Variants in UNC79 observed in about 807,000 individuals in gnomAD.
UNC79 encodes unc-79 subunit of NALCN channel complex, also known as protein unc-79 homolog.
A neutral mutation model predicts 283.1 loss-of-function variants in UNC79; 37 were observed. The ratio of observed to expected loss-of-function variants is 0.13; its 90% CI spans 0.10 to 0.17. UNC79 has a LOEUF of 0.17. Ranked by LOEUF, UNC79 falls within the 10% of genes least tolerant of loss-of-function variation. UNC79 has a pLI of 1.00. For synonymous variants in UNC79, 1,107 were observed against 1,200.2 expected (o/e 0.92, Z 1.61); for missense variants, 2,272 against 3,211.1 (o/e 0.71, Z 7.07).
chr14:93,366,192 C>G (rs1018273421), intron 1 of UNC79, among the ~76,000 whole-genome samples: 12 of 152,174 alleles, frequency 7.9e-5, no homozygotes, highest in Non-Finnish European at 1.8e-4. Context: ...AGGTTTCCCA[C>G]GTGAGGTATT....
chr14:93,534,888 CATT>C (rs2060997983), intron 11 of UNC79, among the ~76,000 whole-genome samples: 1 of 152,118 alleles, frequency 6.6e-6, no homozygotes, highest in Non-Finnish European at 1.5e-5. Context: ...CTTTAATAAA[CATT>C]GTGTTTTACA....
At chr14:93,568,648 G>C (rs1450449647) in intron 14 of UNC79, among the ~76,000 whole-genome samples, 2 of 151,944 alleles carry the variant, frequency 1.3e-5, no homozygotes, top group East Asian at 1.9e-4. Context: ...TCCAGCCTGG[G>C]TAACAGGAGC....
At chr14:93,493,909 T>A (rs1441408967) in intron 5 of UNC79, among the ~76,000 whole-genome samples, 37 of 131,394 alleles carry the variant, frequency 2.8e-4, no homozygotes, top group East Asian at 2.7e-3. Context: ...ATATTTTTTT[T>A]TTTTTTTTTT....
rs535543657 is a variant in UNC79 at position 93,618,445 on chromosome 14, A to G, written c.4387+91A>G. 5.4e-6 allele frequency: 7 copies of G among 1,292,034 alleles called. No homozygotes were observed. The African/African-American group carries it at 9.1e-5, about 17-fold the overall frequency. 80.0% of individuals were successfully genotyped at this position (1,292,034 alleles called of 1,614,324 possible). On this transcript the variant is annotated intron_variant, in intron 29 of 48. Transcript: ENST00000555664. ...TTAGGAGATAGAAGAGTGTTCCCAG[A>G]TATCATTCTGGAGTAAAAAAAAAAA...
At chr14:93,391,631 G>A (rs548240214) in intron 1 of UNC79, among the ~76,000 whole-genome samples, 8 of 152,128 alleles carry the variant, frequency 5.3e-5, no homozygotes, top group Non-Finnish European at 1.2e-4. Flanking sequence ...GTCTTGCTGT[G>A]TTGCCCAGGC....
chr14:93,509,257 A>G lies in UNC79; in HGVS notation c.898+11971A>G, dbSNP rs184266966. 4.6e-3 allele frequency among the ~76,000 whole-genome samples: 708 copies of G among 152,280 alleles called. 6 individuals carry two copies. The highest frequency in any genetic ancestry group is 0.016 in the African/African-American group (673 of 41,560). On this transcript the variant is annotated intron_variant, in intron 7 of 48. Transcript: ENST00000555664. The stretch of plus-strand genomic sequence containing the variant: ...CTCCAACCATGGGAATTACAATTCA[A>G]CATGAGATTTGGGTGAGGACACAAA...
chr14:93,583,270 ATC>A (rs914304585), intron 20 of UNC79, among the ~76,000 whole-genome samples: 3 of 151,666 alleles, frequency 2.0e-5, no homozygotes, highest in Non-Finnish European at 2.9e-5. Context: ...GTGAGCCGAG[ATC>A]GCACCATTGC....
At position 93,477,519 on chromosome 14, in the gene UNC79, AAAATATTCAGTGACTG is replaced by A. The variant is rs748555586; in HGVS notation, c.449-37_449-22del. 2.6e-6 allele frequency: 4 copies of A among 1,513,320 alleles called. No individual in the cohort carries two copies. The Admixed American group carries it at 8.6e-5, about 33-fold the overall frequency. 93.7% of individuals were successfully genotyped at this position (1,513,320 alleles called of 1,614,324 possible). ...AAAGTTAGCCTATTTTGTTAATTGC[AAAATATTCAGTGACTG>A]ATTACTCAATTTTGTTTTGTAGATC... On this transcript the variant is annotated intron_variant, in intron 3 of 48. Transcript: ENST00000555664.
chr14:93,360,212 G>T (rs965813181), intron 1 of UNC79, among the ~76,000 whole-genome samples: 1 of 152,182 alleles, frequency 6.6e-6, no homozygotes, highest in Non-Finnish European at 1.5e-5. Flanking sequence ...TAGGATGAGG[G>T]CTATTATGGT....
intron 38 of UNC79, among the ~76,000 whole-genome samples, chr14:93,657,884 A>G (rs1162483166): frequency 6.6e-6 from 1 of 152,060 alleles, no homozygotes; most frequent in Non-Finnish European, 1.5e-5. Context: ...GTCAGTGGCT[A>G]CTCACGCCTG....
In UNC79 at chr14:93,430,643, C is replaced by T. The variant is rs2055839208; in HGVS notation, c.-387C>T. Reference sequence around the variant, plus strand: ...GGCTTTTCTCTGGGAAACACCCGTCCCCTCCGTGCGCCTTATGAATGGAAA... The same window carrying T: ...GGCTTTTCTCTGGGAAACACCCGTCTCCTCCGTGCGCCTTATGAATGGAAA... On this transcript the variant is annotated 5_prime_UTR_variant, in exon 1 of 49. Coordinates refer to ENST00000555664, the Ensembl canonical transcript of UNC79. The surrounding 1 kb of genome is among the most constrained non-coding windows in gnomAD (Gnocchi z 4.6). 5.8e-6 allele frequency: 1 copy of T among 173,354 alleles called. No individual in the cohort carries two copies. Among genetic ancestry groups the T allele is most frequent in the African/African-American group, 2.4e-5 (1 of 42,322 alleles). The allele number at this position is 173,354 out of a possible 1,614,324, so 10.7% of individuals were successfully genotyped here.
chr14:93,334,615 C>T (rs2139858072), intron 1 of UNC79: 1 of 152,328 alleles, frequency 6.6e-6, no homozygotes, highest in East Asian at 1.9e-4. Flanking sequence ...TGTTATTTTC[C>T]ATCATTTTAC....
chr14:93,427,635 G>C (rs1209130079), upstream of UNC79, among the ~76,000 whole-genome samples: 1 of 151,310 alleles, frequency 6.6e-6, no homozygotes, highest in African/African-American at 2.4e-5. Flanking sequence ...CTTTCCACTA[G>C]AATATTAGTT....
At chr14:93,357,915 C>G (rs1019699392) in intron 1 of UNC79, among the ~76,000 whole-genome samples, 1,235 of 18,656 alleles carry the variant, frequency 0.066, 3 homozygotes, top group Middle Eastern at 0.12. Flanking sequence ...CTATATATAT[C>G]CATATATATA....
At chr14:93,336,658 A>C (rs1350703174) in intron 1 of UNC79, among the ~76,000 whole-genome samples, 2 of 152,250 alleles carry the variant, frequency 1.3e-5, no homozygotes, top group Non-Finnish European at 2.9e-5. Flanking sequence ...TTATTAAATT[A>C]ACAAATAATA....
At chr14:93,597,707 G>T (rs1453192897) in intron 24 of UNC79, among the ~76,000 whole-genome samples, 167 bp downstream of exon 24, 4 of 152,158 alleles carry the variant, frequency 2.6e-5, no homozygotes, top group African/African-American at 2.4e-5. Context: ...TCTGCCGAGG[G>T]CCTGCTGTCT....
chr14:93,695,174 T>G (rs191243890), intron 47 of UNC79, among the ~76,000 whole-genome samples: 4 of 152,278 alleles, frequency 2.6e-5, no homozygotes, highest in Non-Finnish European at 4.4e-5. Context: ...TCCTTGTATC[T>G]CTTCTTGTAT....
At chr14:93,483,626 A>G (rs763113142) in intron 4 of UNC79, among the ~76,000 whole-genome samples, 5 of 150,980 alleles carry the variant, frequency 3.3e-5, no homozygotes, top group Non-Finnish European at 7.4e-5. Flanking sequence ...GCCATGTTGG[A>G]GTCCCATTAA....
At chr14:93,629,683 T>G (rs1267973943) in intron 30 of UNC79, among the ~76,000 whole-genome samples, 1 of 152,228 alleles carries the variant, frequency 6.6e-6, no homozygotes, top group Non-Finnish European at 1.5e-5. Context: ...CATCTAATAA[T>G]AGAATGGCAT....
Sources: gnomAD v4.1 joint callset for allele counts (sites outside exome capture counted in the v4.1 genomes callset) on GRCh38, gnomAD v4.1.1 for gene constraint, Gnocchi (gnomAD v3.1) non-coding constraint, MANE v1.5 for transcripts, NCBI Gene and HGNC (gene_info 2026-07-23, HGNC 2026-07-21) for gene names.